Variants in KDM6A observed in about 807,000 individuals in gnomAD.
KDM6A encodes lysine demethylase 6A.
KDM6A carries 11 observed loss-of-function variants against 117.6 expected under a neutral mutation model. The observed-to-expected ratio is 0.09, with a 90% CI of 0.06 to 0.15. The LOEUF (loss-of-function observed/expected upper bound fraction) is 0.15, where lower values mean the gene tolerates loss of function less well. Ranked by LOEUF, KDM6A falls within the 10% of genes least tolerant of loss-of-function variation. The pLI, the probability that KDM6A is intolerant of heterozygous loss-of-function variation, is 1.00. For missense variants in KDM6A, 799 were observed against 1,077.3 expected (o/e 0.74, Z 3.62); for synonymous variants, 384 against 396.1 (o/e 0.97, Z 0.36).
At chrX:45,090,573 T>G in intron 26 of KDM6A, 150 bp from the exon 27 acceptor site, 1 of 571,747 alleles carries the variant, frequency 1.7e-6, no homozygotes, top group South Asian at 2.9e-5. Context: ...TTATTACTAC[T>G]GTAATTATCA....
intron 8 of KDM6A, among the ~76,000 whole-genome samples, chrX:45,041,467 CGG>C (rs2043198905): frequency 9.4e-6 from 1 of 106,691 alleles, no homozygotes; most frequent in Non-Finnish European, 1.9e-5. Context: ...GGGTGGCTGC[CGG>C]GCGGAGACGC....
At chrX:45,088,835 T>A (rs2148186143) in intron 25 of KDM6A, among the ~76,000 whole-genome samples, 1 of 112,958 alleles carries the variant, frequency 8.9e-6, no homozygotes, top group East Asian at 2.8e-4. Flanking sequence ...CTTAATAATA[T>A]CTAAGGAATG....
intron 6 of KDM6A, among the ~76,000 whole-genome samples, chrX:45,028,225 T>C (rs2042460105): frequency 8.9e-6 from 1 of 112,489 alleles, no homozygotes; most frequent in East Asian, 2.8e-4. Context: ...ATTGCTACCA[T>C]GTTTAACATT....
At chrX:45,040,600 C>T (rs1160971004) in intron 8 of KDM6A, among the ~76,000 whole-genome samples, 4 of 77,027 alleles carry the variant, frequency 5.2e-5, no homozygotes, top group East Asian at 4.4e-4. Context: ...ACCTCCCGGA[C>T]GGGGCGGCTG....
intron 2 of KDM6A, among the ~76,000 whole-genome samples, chrX:44,885,427 T>C (rs757065925): frequency 1.3e-4 from 15 of 111,172 alleles, no homozygotes; most frequent in Non-Finnish European, 2.4e-4. Context: ...TCATGCAATT[T>C]TTTGAATATA....
rs185144925 is a variant in KDM6A at position 44,876,961 on chromosome X, A to G, written c.225+2974A>G. ...TATACACACGTATACGTATATACGC[A>G]CGTATATGAATACGTATATACACGT... On this transcript the variant is annotated intron_variant, in intron 2 of 29. Transcript: ENST00000611820. 3.5e-4 allele frequency among the ~76,000 whole-genome samples: 39 copies of G among 111,741 alleles called. No individual in the cohort carries two copies. In the East Asian group the frequency reaches 0.01, roughly 30 times the overall value.
At position 44,916,365 on chromosome X, in the gene KDM6A, G is replaced by A. The variant is rs768597201; in HGVS notation, c.225+42378G>A. On this transcript the variant is annotated intron_variant, in intron 2 of 29. Coordinates refer to ENST00000611820, the MANE Select transcript of KDM6A (RefSeq NM_001291415.2). ...CCTTATGACTATATTCTGTCAAAAG[G>A]ATAGATTTCATAGTAATGTTTGAGG... 1.5e-4 allele frequency among the ~76,000 whole-genome samples: 17 copies of A among 111,131 alleles called. No individual in the cohort carries two copies. In the South Asian group the frequency reaches 6.4e-3, roughly 42 times the overall value.
intron 2 of KDM6A, among the ~76,000 whole-genome samples, chrX:44,875,936 T>C (rs1414447707): frequency 8.9e-6 from 1 of 112,188 alleles, no homozygotes; most frequent in Non-Finnish European, 1.9e-5. Context: ...CCTGCAGTTA[T>C]GCACTAACGA....
intron 2 of KDM6A, among the ~76,000 whole-genome samples, chrX:44,912,854 C>T (rs1468126802): frequency 2.7e-5 from 3 of 112,284 alleles, no homozygotes; most frequent in African/African-American, 9.7e-5. Flanking sequence ...ACATTTTTAC[C>T]ATCTACCTGG....
chrX:45,011,499 G>C (rs1396177393), intron 5 of KDM6A, among the ~76,000 whole-genome samples: 6 of 111,528 alleles, frequency 5.4e-5, no homozygotes, highest in African/African-American at 2.0e-4. Context: ...TCAGTTCTCT[G>C]TAGAATAGTA....
intron 3 of KDM6A, among the ~76,000 whole-genome samples, chrX:44,963,483 G>GTGTGTGTGTGTGTGTGTGTGTGTC (rs1481840859): frequency 2.4e-5 from 1 of 40,884 alleles, no homozygotes; most frequent in Non-Finnish European, 4.9e-5. Context: ...GTGTGTGTGT[G>GTGTGTGTGTGTGTGTGTGTGTGTC]TGTCTGTCTG....
At chrX:44,930,738 A>C (rs1271866202) in intron 2 of KDM6A, among the ~76,000 whole-genome samples, 1 of 112,220 alleles carries the variant, frequency 8.9e-6, no homozygotes, top group Non-Finnish European at 1.9e-5. Context: ...TTAAAAATAC[A>C]TATGACTGTA....
intron 2 of KDM6A, among the ~76,000 whole-genome samples, chrX:44,922,756 A>G (rs1015473634): frequency 2.0e-4 from 23 of 112,985 alleles, no homozygotes; most frequent in Admixed American, 1.7e-3. Flanking sequence ...GGCGTGAGCC[A>G]CTGCGCCCGG....
chrX:45,076,548 G>A (rs746649033), intron 18 of KDM6A, 149 bp from the exon 19 acceptor site: 1 of 446,346 alleles, frequency 2.2e-6, no homozygotes, highest in Non-Finnish European at 3.9e-6. Flanking sequence ...ATCATTCTTA[G>A]TGTTTTTCCT....
At chrX:45,038,792 A>AT (rs1191126868) in intron 8 of KDM6A, among the ~76,000 whole-genome samples, 2 of 111,627 alleles carry the variant, frequency 1.8e-5, no homozygotes, top group African/African-American at 6.5e-5. Context: ...TAACACGTTC[A>AT]TTTTAGGCAG....
chrX:45,052,786 C>T (rs777343145), intron 9 of KDM6A, among the ~76,000 whole-genome samples: 2 of 111,673 alleles, frequency 1.8e-5, no homozygotes, highest in South Asian at 3.8e-4. Context: ...TCAAACTCCT[C>T]GGGTCAGGTG....
chrX:45,048,159 C>CACA (rs1556295332), intron 8 of KDM6A, among the ~76,000 whole-genome samples: 2 of 34,335 alleles, frequency 5.8e-5, no homozygotes, highest in Non-Finnish European at 1.2e-4. Context: ...AAGTGCGTCT[C>CACA]AAAAAAAAAA....
In KDM6A at chrX:44,877,826, C is replaced by G. The variant is rs182523672; in HGVS notation, c.225+3839C>G. Reference sequence around the variant, plus strand: ...TACTTAGAAGTTATAGATTGTATATCACTTAAAAATGTATGTGCTTTTTTC... The same window carrying G: ...TACTTAGAAGTTATAGATTGTATATGACTTAAAAATGTATGTGCTTTTTTC... On this transcript the variant is annotated intron_variant, in intron 2 of 29. Transcript: ENST00000611820. 5.2e-3 allele frequency among the ~76,000 whole-genome samples: 582 copies of G among 110,962 alleles called. 10 individuals are homozygous for G. The highest frequency in any genetic ancestry group is 0.016 in the African/African-American group (489 of 30,560).
intron 7 of KDM6A, 100 bp from the exon 8 acceptor site, chrX:45,037,555 T>C (rs2042871152): frequency 6.1e-6 from 4 of 650,490 alleles, no homozygotes; most frequent in Non-Finnish European, 2.6e-6. Context: ...CTATATAGTG[T>C]AGACTGTGAT....
Sources: allele counts gnomAD v4.1 joint callset (sites outside exome capture counted in the v4.1 genomes callset), GRCh38; gene constraint gnomAD v4.1.1; transcripts MANE v1.5; gene names NCBI Gene and HGNC (gene_info 2026-07-23, HGNC 2026-07-21).